The following ATP11A variants were observed in gnomAD, a reference collection of about 807,000 sequenced individuals.
ATP11A encodes the protein phospholipid-transporting ATPase IH.
In ATP11A, 81 loss-of-function variants were observed where a neutral mutation model predicts 154.4. The ratio of observed to expected loss-of-function variants is 0.52; its 90% CI spans 0.44 to 0.63. The LOEUF (loss-of-function observed/expected upper bound fraction) is 0.63, where lower values mean the gene tolerates loss of function less well. ATP11A is among the 30% of genes least tolerant of loss of function. The probability of loss-of-function intolerance (pLI) is 0.00; values close to 1 mark genes in which losing one functional copy is unlikely to be tolerated. For missense variants in ATP11A, 1,316 were observed against 1,474.3 expected (o/e 0.89, Z 1.76); for synonymous variants, 623 against 585.9 (o/e 1.06, Z -0.91).
chr13:112,717,090 T>C (rs1191635611), intron 1 of ATP11A, among the ~76,000 whole-genome samples: 1 of 152,182 alleles, frequency 6.6e-6, no homozygotes, highest in Non-Finnish European at 1.5e-5. Context: ...TGTTGTGACC[T>C]TGACCAGGAA....
At chr13:112,721,927 G>A (rs997457242) in intron 1 of ATP11A, among the ~76,000 whole-genome samples, 19 of 152,344 alleles carry the variant, frequency 1.2e-4, no homozygotes, top group African/African-American at 4.3e-4. Flanking sequence ...AGTGCAGGCC[G>A]TGGCAGACAA....
In ATP11A at chr13:112,818,731, C is replaced by G. The variant is rs114240591; in HGVS notation, c.571-573C>G. Among the ~76,000 whole-genome samples the G allele has an allele frequency of 4.0e-3, 614 of 152,316 alleles. 4 individuals are homozygous for G. The highest frequency in any genetic ancestry group is 0.014 in the African/African-American group (571 of 41,564). ...TTAGAAGTGCAGTTCTCAGGCCCTC[C>G]CTAGACCCACTGCATCAGAAACTCT... On this transcript the variant is annotated intron_variant, in intron 6 of 29. Transcript: ENST00000375645.
In ATP11A at chr13:112,834,595, C is replaced by T. The variant is rs2079181840; in HGVS notation, c.1566C>T (p.Gly522=). ...VALVEGVQRL[G]FTYLRLKDNY... ...GTTTCCCTTCTCATTGCAGACTTGG[C>T]TTTACCTACCTAAGGCTGAAGGACA... Residue 522 remains glycine (G), a synonymous_variant, in exon 15 of 30, where the codon GGC becomes GGT. Coordinates refer to ENST00000375645, the MANE Select transcript of ATP11A (RefSeq NM_015205.3). 6.2e-7 allele frequency: 1 copy of T among 1,613,302 alleles called. No homozygotes were observed. The highest frequency in any genetic ancestry group is 8.5e-7 in the Non-Finnish European group (1 of 1,179,280).
intron 16 of ATP11A, among the ~76,000 whole-genome samples, chr13:112,837,364 G>A (rs572288257): frequency 6.2e-4 from 94 of 152,306 alleles, no homozygotes; most frequent in African/African-American, 2.1e-3. Context: ...AGCCTCTCCC[G>A]GACCTCAGCC....
rs771393038 is a variant in ATP11A, at chr13:112,882,081, T to C, written c.*215T>C. ...CTCGTGTGATGGATGGTCCTAAGCC[T>C]GTGGAGACTGTGCACGTGCCTCTTC... On this transcript the variant is annotated 3_prime_UTR_variant, in exon 30 of 30. Coordinates refer to ENST00000375645, the MANE Select transcript of ATP11A (RefSeq NM_015205.3). This position sits in a 1 kb window ranked among gnomAD's most constrained non-coding sequence, Gnocchi z 5.1. 7.3e-6 allele frequency: 10 copies of C among 1,363,896 alleles called. No individual in the cohort carries two copies. In the East Asian group the frequency reaches 1.4e-4, roughly 19 times the overall value. 84.5% of individuals were successfully genotyped at this position (1,363,896 alleles called of 1,614,324 possible).
intron 1 of ATP11A, among the ~76,000 whole-genome samples, chr13:112,775,246 G>A (rs77024754): frequency 6.6e-6 from 1 of 152,230 alleles, no homozygotes; most frequent in South Asian, 2.1e-4. Context: ...GGCAGAACAC[G>A]GCGTGAAGCT....
chr13:112,845,593 C>T (rs1440709822), intron 17 of ATP11A, among the ~76,000 whole-genome samples: 6 of 118,750 alleles, frequency 5.1e-5, no homozygotes, highest in African/African-American at 2.4e-4. Context: ...GTGGTTCTAA[C>T]CAGTCCAGTT....
In ATP11A at chr13:112,785,229, AC is replaced by A; in HGVS notation, c.137del (p.Pro46GlnfsTer27). 1.3e-6 allele frequency: 2 copies of A among 1,557,372 alleles called. No individual in the cohort carries two copies. The highest frequency in any genetic ancestry group is 1.7e-6 in the Non-Finnish European group (2 of 1,153,156). On this transcript the variant is annotated frameshift_variant, in exon 2 of 30. Coordinates refer to ENST00000375645, the MANE Select transcript of ATP11A (RefSeq NM_015205.3). LOFTEE classifies it high-confidence loss of function. This position sits in a 1 kb window ranked among gnomAD's most constrained non-coding sequence, Gnocchi z 4.8. ...GCAGAGGCCTACATCCCACAGAGAT[AC>A]CCAGACAACAGGATCGTCTCGTCCA... The part of the protein sequence containing the change: ...PGAEAYIPQR[Y>X]PDNRIVSSKY...
intron 1 of ATP11A, among the ~76,000 whole-genome samples, chr13:112,775,136 T>C (rs1187592514): frequency 6.6e-6 from 1 of 152,272 alleles, no homozygotes; most frequent in African/African-American, 2.4e-5. Flanking sequence ...GGACTCAGTT[T>C]ATCGTTCTTT....
chr13:112,797,628 A>T (rs539405261), intron 2 of ATP11A, among the ~76,000 whole-genome samples: 2 of 152,234 alleles, frequency 1.3e-5, no homozygotes, highest in South Asian at 2.1e-4. Context: ...TAAAATATTT[A>T]AAGTGTTGAA....
chr13:112,860,337 C>T lies in ATP11A; in HGVS notation c.2778C>T (p.Ser926=). ...YLTLYNISFT[S]LPILLYSLME... is the part of the protein sequence containing the mutation. ...CCCTCTACAACATCAGCTTCACCTC[C>T]CTCCCCATCCTCCTGTACAGCCTCA... Residue 926 remains serine, a synonymous_variant, in exon 24 of 30, where the codon TCC becomes TCT. Coordinates refer to ENST00000375645, the MANE Select transcript of ATP11A (RefSeq NM_015205.3). 2 of 1,614,208 alleles carry T rather than the reference C, an allele frequency of 1.2e-6. No individual in the cohort carries two copies. Among genetic ancestry groups the T allele is most frequent in the South Asian group, 1.1e-5 (1 of 91,084 alleles).
At chr13:112,769,747 C>T (rs2139936658) in intron 1 of ATP11A, among the ~76,000 whole-genome samples, 1 of 152,280 alleles carries the variant, frequency 6.6e-6, no homozygotes, top group Non-Finnish European at 1.5e-5. Context: ...TGCCCAGTGC[C>T]CTGTGGTGAA....
chr13:112,826,994 G>A, intron 12 of ATP11A, 103 bp downstream of exon 12: 1 of 1,181,318 alleles, frequency 8.5e-7, no homozygotes, highest in South Asian at 1.3e-5. Context: ...GGCTGTACCT[G>A]TAGCTGGCGT....
intron 24 of ATP11A, 48 bp from the exon 25 acceptor site, chr13:112,862,392 G>T: frequency 6.2e-7 from 1 of 1,607,482 alleles, no homozygotes; most frequent in Non-Finnish European, 8.5e-7. Flanking sequence ...GGGAGGTGCC[G>T]GGCCCTGATT....
intron 13 of ATP11A, 113 bp from the exon 14 acceptor site, chr13:112,832,747 G>A (rs533621643): frequency 2.4e-5 from 31 of 1,282,448 alleles, no homozygotes; most frequent in Admixed American, 4.3e-5. Context: ...AGCTGCCTTC[G>A]TGGCCGCGGG....
chr13:112,757,489 C>G (rs1423725184), intron 1 of ATP11A, among the ~76,000 whole-genome samples: 5 of 152,016 alleles, frequency 3.3e-5, no homozygotes, highest in African/African-American at 1.2e-4. Context: ...ACTAGCTTCT[C>G]TATTTCCACA....
At chr13:112,815,461 T>A (rs1300437770) in intron 5 of ATP11A, among the ~76,000 whole-genome samples, 2 of 151,654 alleles carry the variant, frequency 1.3e-5, no homozygotes, top group Non-Finnish European at 2.9e-5. Flanking sequence ...TCCTCATCCT[T>A]CAGACACACA....
intron 1 of ATP11A, among the ~76,000 whole-genome samples, chr13:112,767,960 G>A (rs145096675): frequency 2.1e-4 from 32 of 152,278 alleles, no homozygotes; most frequent in African/African-American, 5.8e-4. Flanking sequence ...CCCACCAAGC[G>A]CTGGTCACAG....
chr13:112,822,182 A>G (rs1239246024), intron 8 of ATP11A, among the ~76,000 whole-genome samples: 4 of 152,232 alleles, frequency 2.6e-5, no homozygotes, highest in Admixed American at 2.6e-4. Context: ...CTCTGAAGCA[A>G]TCCTCTGAAT....
Sources: allele counts gnomAD v4.1 joint callset (sites outside exome capture counted in the v4.1 genomes callset), GRCh38; gene constraint gnomAD v4.1.1; non-coding constraint Gnocchi (gnomAD v3.1); transcripts MANE v1.5; gene names NCBI Gene and HGNC (gene_info 2026-07-23, HGNC 2026-07-21).